The following SLC9A9 variants were observed in gnomAD, a reference collection of about 807,000 sequenced individuals.
SLC9A9 encodes sodium/hydrogen exchanger 9.
Under a neutral mutation model 77.8 loss-of-function variants are expected in SLC9A9, and 62 were observed. That is an observed-to-expected ratio of 0.80 (90% CI 0.65 to 0.98). SLC9A9 has a LOEUF of 0.98. Among genes scored for constraint, SLC9A9 ranks in the 50% least tolerant of loss-of-function variants. The pLI, the probability that SLC9A9 is intolerant of heterozygous loss-of-function variation, is 0.00. For synonymous variants in SLC9A9, 320 were observed against 283.5 expected, an observed-to-expected ratio of 1.13 and a Z score of -1.29; for missense variants, 775 against 774.9, an observed-to-expected ratio of 1.00 and a Z score of 0.00.
intron 8 of SLC9A9, among the ~76,000 whole-genome samples, chr3:143,558,817 G>A (rs1399582802): frequency 6.6e-6 from 1 of 152,116 alleles, no homozygotes; most frequent in Non-Finnish European, 1.5e-5. Flanking sequence ...TGTTGGAAGG[G>A]CATGATTGTG....
chr3:143,291,300 A>G (rs919328774), intron 14 of SLC9A9, among the ~76,000 whole-genome samples: 2 of 152,184 alleles, frequency 1.3e-5, no homozygotes, highest in African/African-American at 4.8e-5. Flanking sequence ...CGAAGTGCTA[A>G]GCCGATGAGA....
chr3:143,334,731 T>G (rs773563219), intron 14 of SLC9A9, among the ~76,000 whole-genome samples: 2 of 152,202 alleles, frequency 1.3e-5, no homozygotes, highest in Admixed American at 6.5e-5. Context: ...CAAAAACTGC[T>G]GAGGAAAACA....
chr3:143,723,742 C>T (rs79815461), intron 4 of SLC9A9, among the ~76,000 whole-genome samples: 2,747 of 152,196 alleles, frequency 0.018, 76 homozygotes, highest in African/African-American at 0.061. Flanking sequence ...CAGATCAGCC[C>T]AGTCCTCTGA....
At chr3:143,741,666 GAT>G (rs147731735) in intron 4 of SLC9A9, among the ~76,000 whole-genome samples, 8,219 of 152,182 alleles carry the variant, frequency 0.054, 277 homozygotes, top group Middle Eastern at 0.075. Flanking sequence ...TCAGCCAAGT[GAT>G]CAAGGTCAAC....
Position 143,321,387 on chromosome 3 carries a change from T to C in SLC9A9, c.1604+42097A>G, listed in dbSNP as rs147162606. 2.3e-3 allele frequency among the ~76,000 whole-genome samples: 346 copies of C among 152,314 alleles called. 1 individual carries two copies. Among genetic ancestry groups the C allele is most frequent in the African/African-American group, 8.0e-3 (333 of 41,568 alleles). On this transcript the variant is annotated intron_variant, in intron 14 of 15. Transcript: ENST00000316549. ...GGAAATAGGTAGAATTATTGAAGCTTCCCTTTGTGCCAAGGATCCTCCTGA... is the reference window on the plus strand; with the variant it reads ...GGAAATAGGTAGAATTATTGAAGCTCCCCTTTGTGCCAAGGATCCTCCTGA...
chr3:143,342,055 T>G (rs1559875149), intron 14 of SLC9A9, among the ~76,000 whole-genome samples: 1 of 152,198 alleles, frequency 6.6e-6, no homozygotes, highest in Non-Finnish European at 1.5e-5. Context: ...CCAGCTCTGC[T>G]GCCGCCTCAG....
At chr3:143,356,424 A>T (rs1432513609) in intron 14 of SLC9A9, among the ~76,000 whole-genome samples, 2 of 152,170 alleles carry the variant, frequency 1.3e-5, no homozygotes, top group African/African-American at 4.8e-5. Flanking sequence ...CCTGAACAAA[A>T]GACTGCACAT....
At chr3:143,696,560 C>T (rs1449466197) in intron 4 of SLC9A9, among the ~76,000 whole-genome samples, 1 of 152,208 alleles carries the variant, frequency 6.6e-6, no homozygotes, top group Non-Finnish European at 1.5e-5. Context: ...CAGTATTCAT[C>T]CCTTCAGCCT....
chr3:143,494,713 C>A (rs1017218031), intron 10 of SLC9A9, among the ~76,000 whole-genome samples: 1 of 152,206 alleles, frequency 6.6e-6, no homozygotes, highest in Non-Finnish European at 1.5e-5. Flanking sequence ...GAAACACCTC[C>A]TGTCCCAGGC....
chr3:143,515,346 A>G (rs1473295116), intron 9 of SLC9A9, among the ~76,000 whole-genome samples: 1 of 152,226 alleles, frequency 6.6e-6, no homozygotes, highest in Non-Finnish European at 1.5e-5. Flanking sequence ...ACATAAAATG[A>G]GCACATGCTG....
At chr3:143,733,688 G>A (rs1186525765) in intron 4 of SLC9A9, among the ~76,000 whole-genome samples, 1 of 152,040 alleles carries the variant, frequency 6.6e-6, no homozygotes, top group Non-Finnish European at 1.5e-5. Flanking sequence ...AGGGCTTGCG[G>A]TATACAAACC....
intron 6 of SLC9A9, among the ~76,000 whole-genome samples, chr3:143,622,494 A>G (rs1021548343): frequency 1.1e-4 from 16 of 152,212 alleles, no homozygotes; most frequent in Non-Finnish European, 2.2e-4. Context: ...TTCAACCCAG[A>G]ATTTCATATC....
intron 3 of SLC9A9, among the ~76,000 whole-genome samples, chr3:143,796,309 CA>C (rs11295946): frequency 0.15 from 22,365 of 152,090 alleles, 1,943 homozygotes; most frequent in South Asian, 0.29. Context: ...AATTAATAAC[CA>C]AAGTCTTTGG....
chr3:143,331,632 C>T (rs958929577), intron 14 of SLC9A9, among the ~76,000 whole-genome samples: 1 of 152,126 alleles, frequency 6.6e-6, no homozygotes, highest in East Asian at 1.9e-4. Context: ...GTAGGCTCCT[C>T]CTGAACTCCT....
chr3:143,704,323 A>G (rs1035646171), intron 4 of SLC9A9, among the ~76,000 whole-genome samples: 1 of 152,240 alleles, frequency 6.6e-6, no homozygotes, highest in Non-Finnish European at 1.5e-5. Context: ...AAATATCTTC[A>G]GCAAAATGCT....
At chr3:143,543,996 T>A (rs994154873) in intron 9 of SLC9A9, among the ~76,000 whole-genome samples, 12 of 152,190 alleles carry the variant, frequency 7.9e-5, no homozygotes, top group African/African-American at 2.2e-4. Flanking sequence ...TACATTCCCA[T>A]CAGCAGTGTA....
chr3:143,645,507 T>A (rs1300514037), intron 6 of SLC9A9, among the ~76,000 whole-genome samples: 1 of 152,208 alleles, frequency 6.6e-6, no homozygotes, highest in African/African-American at 2.4e-5. Context: ...TGGCACATAC[T>A]GATCCTCAGT....
intron 11 of SLC9A9, among the ~76,000 whole-genome samples, chr3:143,487,488 GAGAC>G (rs1485072377): frequency 6.6e-6 from 1 of 151,844 alleles, no homozygotes; most frequent in African/African-American, 2.4e-5. Flanking sequence ...AAGTGCACAT[GAGAC>G]ATTTTCCAGG....
chr3:143,561,432 GA>G (rs551665207), intron 8 of SLC9A9, among the ~76,000 whole-genome samples: 3 of 151,984 alleles, frequency 2.0e-5, no homozygotes, highest in African/African-American at 4.8e-5. Context: ...AATGTAAGCA[GA>G]AAAAACTTAA....
Sources: allele counts gnomAD v4.1 joint callset (sites outside exome capture counted in the v4.1 genomes callset), GRCh38; gene constraint gnomAD v4.1.1; transcripts MANE v1.5; gene names NCBI Gene and HGNC (gene_info 2026-07-23, HGNC 2026-07-21).